NDUFS6: variants seen among roughly 807,000 people sequenced by gnomAD.
NDUFS6 encodes NADH:ubiquinone oxidoreductase subunit S6.
Under a neutral mutation model 13.2 loss-of-function variants are expected in NDUFS6, and 14 were observed. That is an observed-to-expected ratio of 1.06 (90% confidence interval 0.70 to 1.66). NDUFS6 has a LOEUF of 1.66. NDUFS6 is among the 40% of genes most tolerant of loss of function. NDUFS6 has a pLI of 0.00. For synonymous variants in NDUFS6, 95 were observed against 72.3 expected (o/e 1.31, Z -1.60); for missense variants, 206 against 170.8 (o/e 1.21, Z -1.15).
chr5:1,814,566 C>T lies in NDUFS6; in HGVS notation c.309+105C>T, dbSNP rs761447151. ...TTCTGTCCTCTTCTCTACCTGCTCC[C>T]GAGGCGGCCCTTACGGGGTTCACAC... On this transcript the variant is annotated intron_variant, in intron 3 of 3. Coordinates refer to ENST00000274137, the MANE Select transcript of NDUFS6 (RefSeq NM_004553.6). The surrounding 1 kb of genome is among the most constrained non-coding windows in gnomAD (Gnocchi z 4.9). 1.2e-5 allele frequency: 19 copies of T among 1,556,914 alleles called. 1 individual carries two copies. The highest frequency in any genetic ancestry group is 9.1e-5 in the South Asian group (8 of 87,586).
Position 1,811,242 on chromosome 5 carries a change from A to G in NDUFS6, c.187-3097A>G, listed in dbSNP as rs1381304047. On this transcript the variant is annotated intron_variant, in intron 2 of 3. Coordinates refer to ENST00000274137, the MANE Select transcript of NDUFS6 (RefSeq NM_004553.6). ...GCTATGAGTAAATTGTGGGGGAGTC[A>G]AAAATAATATGCAGATTTTCAATTG... Among the ~76,000 whole-genome samples the G allele has an allele frequency of 3.9e-5, 6 of 152,336 alleles. 1 individual carries two copies. Among genetic ancestry groups the G allele is most frequent in the Middle Eastern group, 6.8e-3 (2 of 294 alleles).
chr5:1,815,071 G>A (rs563341943), intron 3 of NDUFS6, among the ~76,000 whole-genome samples: 2 of 152,242 alleles, frequency 1.3e-5, no homozygotes, highest in East Asian at 3.9e-4. Flanking sequence ...GGACTTTGGG[G>A]GGCACACGGT....
In NDUFS6 at chr5:1,814,802, C is replaced by T. The variant is rs2111363128; in HGVS notation, c.309+341C>T. 1 of 655,352 alleles carries T rather than the reference C, an allele frequency of 1.5e-6. No individual in the cohort carries two copies. Among genetic ancestry groups the T allele is most frequent in the Non-Finnish European group, 2.8e-6 (1 of 362,938 alleles). The allele number at this position is 655,352 out of a possible 1,614,324, so 40.6% of individuals were successfully genotyped here. A position where few individuals can be genotyped will look rare whatever the true frequency, so the allele number is the denominator to read the frequency against. On this transcript the variant is annotated intron_variant, in intron 3 of 3. Transcript: ENST00000274137. This position sits in a 1 kb window ranked among gnomAD's most constrained non-coding sequence, Gnocchi z 4.9. ...GCAGGCTGGGGTCGAAAACAACAAA[C>T]ACATTTCCCACAGCGCTGGAGGCTG...
Position 1,801,428 on chromosome 5 carries a change from C to G in NDUFS6, c.11C>G (p.Ala4Gly), listed in dbSNP as rs773943416. The stretch of plus-strand genomic sequence containing the variant: ...GGCCAGCGGCGCAAAATGGCGGCGG[C>G]GATGACCTTCTGCCGGCTGCTGAAC... MAA[A>G]MTFCRLLNRC... The change falls in exon 1 of 4, where the codon GCG (alanine) becomes GGG (glycine). Residue 4 changes from alanine to glycine, a missense_variant. Transcript: ENST00000274137. The G allele has an allele frequency of 6.2e-7, 1 of 1,605,048 alleles. No homozygotes were observed. Among genetic ancestry groups the G allele is most frequent in the East Asian group, 2.2e-5 (1 of 44,790 alleles).
intron 2 of NDUFS6, among the ~76,000 whole-genome samples, chr5:1,803,474 C>A (rs1448296945): frequency 1.3e-5 from 2 of 152,138 alleles, no homozygotes; most frequent in Admixed American, 1.3e-4. Flanking sequence ...GGGTTTGCCT[C>A]TCGGAGTAGA....
chr5:1,805,536 G>A (rs765779241), intron 2 of NDUFS6, among the ~76,000 whole-genome samples: 2 of 152,168 alleles, frequency 1.3e-5, no homozygotes, highest in Non-Finnish European at 2.9e-5. Context: ...GACTCCTCAC[G>A]TGCTAAAGAA....
At chr5:1,809,782 T>C (rs1314199655) in intron 2 of NDUFS6, among the ~76,000 whole-genome samples, 2 of 152,120 alleles carry the variant, frequency 1.3e-5, no homozygotes, top group Non-Finnish European at 1.5e-5. Context: ...GCAGCAGGGG[T>C]GAGCAGAACA....
At chr5:1,806,815 C>T (rs867672449) in intron 2 of NDUFS6, among the ~76,000 whole-genome samples, 7 of 152,084 alleles carry the variant, frequency 4.6e-5, no homozygotes, top group Non-Finnish European at 2.9e-5. Context: ...GAGCGTGTGC[C>T]CAAAAGAACT....
At chr5:1,807,175 C>CTCAGAGGTACTGT (rs1425504340) in intron 2 of NDUFS6, among the ~76,000 whole-genome samples, 2 of 139,226 alleles carry the variant, frequency 1.4e-5, no homozygotes, top group South Asian at 2.3e-4. Flanking sequence ...AGAGGTACTG[C>CTCAGAGGTACTGT]GTGAGGTACT....
intron 2 of NDUFS6, among the ~76,000 whole-genome samples, chr5:1,806,369 C>T (rs1036467815): frequency 4.6e-5 from 7 of 152,136 alleles, no homozygotes; most frequent in Non-Finnish European, 7.3e-5. Context: ...TTTGGGTCAG[C>T]GAGATTCTGC....
In NDUFS6 at chr5:1,803,642, A is replaced by C. The variant is rs566266410; in HGVS notation, c.186+1268A>C. Reference sequence around the variant, plus strand: ...TTGTCGAGTAAGTGGTGTATAGGGTAAGTGCTCTTTCTCTCCATCCTCAGA... The same window carrying C: ...TTGTCGAGTAAGTGGTGTATAGGGTCAGTGCTCTTTCTCTCCATCCTCAGA... On this transcript the variant is annotated intron_variant, in intron 2 of 3. Transcript: ENST00000274137. Among the ~76,000 whole-genome samples the C allele has an allele frequency of 1.2e-4, 19 of 152,364 alleles. No individual in the cohort carries two copies. The South Asian group carries it at 3.5e-3, about 28-fold the overall frequency.
intron 2 of NDUFS6, 101 bp downstream of exon 2, chr5:1,802,475 C>T: frequency 2.0e-6 from 2 of 981,298 alleles, no homozygotes; most frequent in East Asian, 2.7e-5. Flanking sequence ...AAATTTTCCC[C>T]ATATTGCAAG....
chr5:1,809,428 G>A (rs3756344), intron 2 of NDUFS6, among the ~76,000 whole-genome samples: 36,551 of 152,018 alleles, frequency 0.24, 4,474 homozygotes, highest in Admixed American at 0.29. Flanking sequence ...GAGCTTGGCC[G>A]TGTGAACCCG....
rs926836459 is a variant in NDUFS6 at position 1,811,222 on chromosome 5, G to C, written c.187-3117G>C. Among the ~76,000 whole-genome samples the C allele has an allele frequency of 7.2e-5, 11 of 152,336 alleles. 1 individual carries two copies. Among genetic ancestry groups the C allele is most frequent in the Admixed American group, 5.9e-4 (9 of 15,308 alleles). ...AACATTCTGGTCAGCATCAGGCTAT[G>C]AGTAAATTGTGGGGGAGTCAAAAAT... On this transcript the variant is annotated intron_variant, in intron 2 of 3. Coordinates refer to ENST00000274137, the MANE Select transcript of NDUFS6 (RefSeq NM_004553.6).
chr5:1,801,481 C>T lies in NDUFS6; in HGVS notation c.64C>T (p.Pro22Ser), dbSNP rs755813068. The change falls in exon 1 of 4, where the codon CCC (proline) becomes TCC (serine). Residue 22 changes from proline (P) to serine (S), a missense_variant. By Grantham distance (74) the Pro-to-Ser change is moderately conservative. Coordinates refer to ENST00000274137, the MANE Select transcript of NDUFS6 (RefSeq NM_004553.6). ...GTGTGGCGAGGCGGCGCGGAGCCTG[C>T]CCCTGGGCGCCAGGTGTTTCGGGGT... ...NRCGEAARSL[P>S]LGARCFGVRV... 1.2e-6 allele frequency: 2 copies of T among 1,602,964 alleles called. No homozygotes were observed. Among genetic ancestry groups the T allele is most frequent in the African/African-American group, 1.3e-5 (1 of 74,874 alleles).
chr5:1,815,170 G>A (rs774784081), intron 3 of NDUFS6, among the ~76,000 whole-genome samples: 3 of 152,112 alleles, frequency 2.0e-5, no homozygotes, highest in Admixed American at 6.5e-5. Flanking sequence ...ACACAGGACC[G>A]GAGAAAGAGA....
At chr5:1,804,363 A>G (rs1174019064) in intron 2 of NDUFS6, among the ~76,000 whole-genome samples, 2 of 152,230 alleles carry the variant, frequency 1.3e-5, no homozygotes, top group East Asian at 1.9e-4. Context: ...GTAGTGGGAA[A>G]CAACTTAAAC....
rs146485974 is a variant in NDUFS6, at chr5:1,815,979, C to A, written c.*63C>A. The A allele has an allele frequency of 1.1e-4, 163 of 1,550,858 alleles. No homozygotes were observed. The Middle Eastern group carries it at 2.0e-3, about 19-fold the overall frequency. ...AGCATTTCCGCGGGGAAGCTGAGCA[C>A]GTGAAGCTCGCTGGTTCTGTGCGAA... On this transcript the variant is annotated 3_prime_UTR_variant, in exon 4 of 4. Coordinates refer to ENST00000274137, the MANE Select transcript of NDUFS6 (RefSeq NM_004553.6).
At chr5:1,801,661 C>T (rs1734044866) in intron 1 of NDUFS6, 112 bp downstream of exon 1, 1 of 1,456,542 alleles carries the variant, frequency 6.9e-7, no homozygotes, top group South Asian at 1.3e-5. Context: ...CAGCGCAGGT[C>T]GTGGTAAGGT....
Sources: gnomAD v4.1 joint callset for allele counts (sites outside exome capture counted in the v4.1 genomes callset) on GRCh38, gnomAD v4.1.1 for gene constraint, Gnocchi (gnomAD v3.1) non-coding constraint, MANE v1.5 for transcripts, NCBI Gene and HGNC (gene_info 2026-07-23, HGNC 2026-07-21) for gene names.